Variants in SLX9 observed in about 807,000 individuals in gnomAD.
The protein encoded by SLX9 is SLX9 ribosome biogenesis factor, also known as ribosome biogenesis protein SLX9 homolog.
SLX9 carries 19 observed loss-of-function variants against 20.8 expected under a neutral mutation model. The observed-to-expected ratio is 0.91, with a 90% confidence interval of 0.64 to 1.34. SLX9 has a LOEUF of 1.34. Ranked by LOEUF, SLX9 falls within the 40% of genes most tolerant of loss-of-function variation. The probability of loss-of-function intolerance (pLI) is 0.00; values close to 1 mark genes in which losing one functional copy is unlikely to be tolerated. For missense variants in SLX9, 299 were observed against 322.2 expected (o/e 0.93, Z 0.55); for synonymous variants, 113 against 137.1 (o/e 0.82, Z 1.23).
chr21:44,948,363 C>G (rs1168291618), intron 2 of SLX9, among the ~76,000 whole-genome samples: 1 of 135,224 alleles, frequency 7.4e-6, no homozygotes, highest in African/African-American at 2.9e-5. Flanking sequence ...GAGCATCGGG[C>G]GTCCGGGGAG....
intron 1 of SLX9, among the ~76,000 whole-genome samples, chr21:44,943,318 G>T (rs1406227975): frequency 1.3e-5 from 2 of 152,226 alleles, no homozygotes; most frequent in African/African-American, 4.8e-5. Context: ...TCCTTCATCT[G>T]CTCAGCTGCA....
chr21:44,975,687 G>A (rs2085248978), intron 5 of SLX9, among the ~76,000 whole-genome samples: 1 of 152,254 alleles, frequency 6.6e-6, no homozygotes, highest in Admixed American at 6.5e-5. Flanking sequence ...GTAATGTCCA[G>A]GCTGTGACTG....
intron 1 of SLX9, 42 bp from the exon 2 acceptor site, chr21:44,943,642 C>G: frequency 1.2e-6 from 2 of 1,608,280 alleles, no homozygotes; most frequent in Non-Finnish European, 1.7e-6. Flanking sequence ...CAGAGCAAGT[C>G]TCACACCTCT....
At chr21:44,952,503 C>G (rs1018002013) in intron 2 of SLX9, among the ~76,000 whole-genome samples, 1 of 152,286 alleles carries the variant, frequency 6.6e-6, no homozygotes, top group Non-Finnish European at 1.5e-5. Context: ...CCCCAGGGCC[C>G]TCCTTCTCCC....
chr21:44,955,753 C>T (rs1423812496), intron 2 of SLX9, among the ~76,000 whole-genome samples: 1 of 152,236 alleles, frequency 6.6e-6, no homozygotes, highest in East Asian at 1.9e-4. Context: ...GGCAGCCTTA[C>T]ATCACGGCTG....
chr21:44,951,791 C>T (rs1240031499), intron 2 of SLX9, among the ~76,000 whole-genome samples: 2 of 152,128 alleles, frequency 1.3e-5, no homozygotes, highest in African/African-American at 4.8e-5. Context: ...CTAACCGGGG[C>T]GGGGCATCTC....
rs113598790 is a variant in SLX9, at chr21:44,941,628, G to T, written c.129+1442G>T. Among the ~76,000 whole-genome samples, 597 of 152,238 alleles carry T rather than the reference G, an allele frequency of 3.9e-3. 4 individuals are homozygous for T. Among genetic ancestry groups the T allele is most frequent in the African/African-American group, 0.014 (566 of 41,526 alleles). Reference sequence around the variant, plus strand: ...TCAGATTCAGCGTGTTCACATTTTTGACCTTCATTTCTGCCCTCAGAGGCA... The same window carrying T: ...TCAGATTCAGCGTGTTCACATTTTTTACCTTCATTTCTGCCCTCAGAGGCA... On this transcript the variant is annotated intron_variant, in intron 1 of 5. Transcript: ENST00000291634.
At chr21:44,949,698 CGTCTGCAGGCGTGTTGGACTGG>C (rs1209782145) in intron 2 of SLX9, among the ~76,000 whole-genome samples, 2 of 152,166 alleles carry the variant, frequency 1.3e-5, no homozygotes, top group Non-Finnish European at 2.9e-5. Context: ...AACACGTCTG[CGTCTGCAGGCGTGTTGGACTGG>C]GTGACGAGGC....
At chr21:44,959,069 C>G (rs1276510746) in intron 2 of SLX9, 4 of 278,936 alleles carry the variant, frequency 1.4e-5, no homozygotes, top group Non-Finnish European at 2.2e-5. Context: ...TAGGTCAACC[C>G]AGGCACACCA....
intron 3 of SLX9, among the ~76,000 whole-genome samples, chr21:44,964,337 A>G (rs1380768070): frequency 6.6e-6 from 1 of 151,962 alleles, no homozygotes; most frequent in Non-Finnish European, 1.5e-5. Context: ...TTTTTCCCTC[A>G]ATTTGCTTTT....
Position 44,967,090 on chromosome 21 carries a change from G to A in SLX9, c.409G>A (p.Ala137Thr), listed in dbSNP as rs1336782894. The change falls in exon 4 of 6, where the codon GCC becomes ACC. Residue 137 changes from alanine (A) to threonine (T), a missense_variant. By Grantham distance (58) the Ala-to-Thr change is moderately conservative. Transcript: ENST00000291634. ...GCACAGGGAGGAGCGGAGGCGGAGG[G>A]CCACGGTGGTGGTGGGGGACCTGCA... ...QKHREERRRR[A>T]TVVVGDLHPL... is the part of the protein sequence containing the mutation. 6.2e-7 allele frequency: 1 copy of A among 1,611,530 alleles called. No homozygotes were observed. Among genetic ancestry groups the A allele is most frequent in the Admixed American group, 1.7e-5 (1 of 59,966 alleles).
At chr21:44,948,945 C>G (rs1201008314) in intron 2 of SLX9, among the ~76,000 whole-genome samples, 1 of 152,196 alleles carries the variant, frequency 6.6e-6, no homozygotes, top group Non-Finnish European at 1.5e-5. Flanking sequence ...CGCCAAGCCA[C>G]CCTCAGCCCC....
At chr21:44,976,565 C>T in intron 5 of SLX9, 115 bp from the exon 6 acceptor site, 2 of 1,459,612 alleles carry the variant, frequency 1.4e-6, no homozygotes, top group Non-Finnish European at 1.8e-6. Context: ...AGTACTCAGT[C>T]CCGTGGTGGC....
intron 3 of SLX9, among the ~76,000 whole-genome samples, chr21:44,964,375 C>G (rs2838748): frequency 6.6e-6 from 1 of 152,044 alleles, no homozygotes; most frequent in Non-Finnish European, 1.5e-5. Context: ...GAAATTTCCC[C>G]TGTGGATCTG....
At chr21:44,964,755 A>G (rs1166564501) in intron 3 of SLX9, among the ~76,000 whole-genome samples, 1 of 152,228 alleles carries the variant, frequency 6.6e-6, no homozygotes, top group African/African-American at 2.4e-5. Context: ...ATTATGAAAC[A>G]TTTAAAAATT....
chr21:44,965,907 C>T (rs2085025304), intron 3 of SLX9, among the ~76,000 whole-genome samples: 1 of 152,080 alleles, frequency 6.6e-6, no homozygotes, highest in Non-Finnish European at 1.5e-5. Context: ...TGCCGAGTAA[C>T]GTGTCTACCA....
chr21:44,962,833 C>T (rs913806319), intron 3 of SLX9, among the ~76,000 whole-genome samples: 6 of 152,076 alleles, frequency 3.9e-5, no homozygotes, highest in Admixed American at 6.5e-5. Flanking sequence ...CATGGCCTGC[C>T]GTCTCCTCAG....
chr21:44,941,730 C>T (rs2084553372), intron 1 of SLX9, among the ~76,000 whole-genome samples: 1 of 152,156 alleles, frequency 6.6e-6, no homozygotes, highest in Admixed American at 6.5e-5. Context: ...CGCACAGCCT[C>T]CAGACTGCCA....
At chr21:44,964,687 A>G (rs924201437) in intron 3 of SLX9, among the ~76,000 whole-genome samples, 4 of 152,196 alleles carry the variant, frequency 2.6e-5, no homozygotes, top group African/African-American at 4.8e-5. Context: ...TTGTCCTCCA[A>G]GGCGGCTGGG....
Sources: allele counts gnomAD v4.1 joint callset (sites outside exome capture counted in the v4.1 genomes callset), GRCh38; gene constraint gnomAD v4.1.1; transcripts MANE v1.5; gene names NCBI Gene and HGNC (gene_info 2026-07-23, HGNC 2026-07-21).